Variants in DMD observed in about 807,000 individuals in gnomAD.
DMD encodes dystrophin.
Under a neutral mutation model 330.1 loss-of-function variants are expected in DMD, and 63 were observed. That is an observed-to-expected ratio of 0.19 (90% CI 0.16 to 0.24). The LOEUF is 0.24. DMD is among the 10% of genes least tolerant of loss of function. The pLI is 1.00. For synonymous variants in DMD, 1,223 were observed against 959.8 expected (o/e 1.27, Z -5.07); for missense variants, 3,344 against 2,684.1 (o/e 1.25, Z -5.43).
chrX:31,400,864 A>C (rs1293254635), intron 60 of DMD, among the ~76,000 whole-genome samples: 1 of 111,941 alleles, frequency 8.9e-6, no homozygotes, highest in Non-Finnish European at 1.9e-5. Context: ...AAGATACGAA[A>C]ATTGACAACG....
At chrX:32,813,215 A>G (rs1049519158) in intron 6 of DMD, among the ~76,000 whole-genome samples, 1 of 112,037 alleles carries the variant, frequency 8.9e-6, no homozygotes, top group African/African-American at 3.2e-5. Context: ...ATTCTTTTAT[A>G]CTATTAAAAT....
chrX:31,982,125 T>C lies in DMD; in HGVS notation c.6439-13611A>G, dbSNP rs2095479842. 2.7e-5 allele frequency among the ~76,000 whole-genome samples: 3 copies of C among 112,510 alleles called. No individual in the cohort carries two copies. The South Asian group carries it at 1.1e-3, about 41-fold the overall frequency. On this transcript the variant is annotated intron_variant, in intron 44 of 78. Coordinates refer to ENST00000357033, the MANE Select transcript of DMD (RefSeq NM_004006.3). ...GTGTGCCTGTGTTTGCAGTTGAATC[T>C]CTTTTGCAGTATGAAAATTGAATTT...
chrX:32,540,961 G>T (rs1411455506), intron 17 of DMD, among the ~76,000 whole-genome samples: 1 of 111,517 alleles, frequency 9.0e-6, no homozygotes, highest in Admixed American at 9.6e-5. Flanking sequence ...ATTCATTTTA[G>T]TAAATCAATT....
intron 7 of DMD, among the ~76,000 whole-genome samples, chrX:32,779,545 G>A (rs1025664893): frequency 4.6e-5 from 5 of 109,391 alleles, no homozygotes; most frequent in Admixed American, 2.0e-4. Flanking sequence ...CTGTGTCCAT[G>A]TGTTCTCATT....
intron 1 of DMD, 57 bp downstream of exon 1, chrX:33,211,225 G>A: frequency 1.7e-6 from 2 of 1,174,829 alleles, no homozygotes; most frequent in Non-Finnish European, 2.3e-6. Flanking sequence ...TAGTGAGCTT[G>A]TCACAAACTA....
In DMD at chrX:31,201,230, C is replaced by T. The variant is rs151142499; in HGVS notation, c.9807+2731G>A. 7.6e-3 allele frequency among the ~76,000 whole-genome samples: 837 copies of T among 109,877 alleles called. 13 individuals carry two copies. The highest frequency in any genetic ancestry group is 0.026 in the African/African-American group (782 of 30,129). ...ACACACACATACACCAAAAAAATGC[C>T]AGGCGTGGCGGTCCATGCCTGTAGT... On this transcript the variant is annotated intron_variant, in intron 67 of 78. Transcript: ENST00000357033.
intron 62 of DMD, among the ~76,000 whole-genome samples, chrX:31,306,828 T>C (rs1184212932): frequency 8.9e-6 from 1 of 111,785 alleles, no homozygotes; most frequent in Non-Finnish European, 1.9e-5. Context: ...GAACTAAAAG[T>C]TATTTGGATT....
chrX:31,186,598 A>C (rs1160948488), intron 67 of DMD, among the ~76,000 whole-genome samples: 1 of 111,910 alleles, frequency 8.9e-6, no homozygotes, highest in African/African-American at 3.3e-5. Context: ...ACAAACCCCC[A>C]TGACACAAGT....
At chrX:32,266,376 T>A (rs1364877965) in intron 43 of DMD, among the ~76,000 whole-genome samples, 1 of 112,195 alleles carries the variant, frequency 8.9e-6, no homozygotes, top group East Asian at 2.8e-4. Flanking sequence ...TCTTGGGCAG[T>A]TCTTTAGAGC....
intron 43 of DMD, among the ~76,000 whole-genome samples, chrX:32,232,168 A>T (rs1161852205): frequency 8.9e-6 from 1 of 111,984 alleles, no homozygotes; most frequent in Non-Finnish European, 1.9e-5. Flanking sequence ...TAGTAAAGAA[A>T]ATAAGAACTA....
chrX:31,814,431 C>A (rs1016485924), intron 50 of DMD, among the ~76,000 whole-genome samples: 1 of 83,945 alleles, frequency 1.2e-5, no homozygotes, highest in African/African-American at 4.8e-5. Flanking sequence ...TGCAGTGAGC[C>A]GAGATCGCGC....
chrX:32,400,876 G>C (rs1312659653), intron 30 of DMD, among the ~76,000 whole-genome samples: 2 of 109,152 alleles, frequency 1.8e-5, no homozygotes, highest in Non-Finnish European at 3.8e-5. Flanking sequence ...AAAGACACAT[G>C]CACACGTATG....
At chrX:32,148,506 C>T (rs1475908751) in intron 44 of DMD, among the ~76,000 whole-genome samples, 1 of 110,632 alleles carries the variant, frequency 9.0e-6, no homozygotes, top group Non-Finnish European at 1.9e-5. Flanking sequence ...CTACATATCC[C>T]ATTTCAGGGA....
chrX:33,333,997 C>G (rs747297177), intron 1 of DMD, among the ~76,000 whole-genome samples: 30 of 111,127 alleles, frequency 2.7e-4, no homozygotes, highest in Admixed American at 4.8e-4. Context: ...AAATTCCACT[C>G]ACTTTACCTT....
intron 1 of DMD, among the ~76,000 whole-genome samples, chrX:33,185,911 A>G (rs2050238029): frequency 8.9e-6 from 1 of 112,552 alleles, no homozygotes; most frequent in Admixed American, 9.5e-5. Context: ...GTTAAAAGTT[A>G]AACAGCTGTC....
chrX:33,224,811 G>A (rs1249545614), intron 1 of DMD, among the ~76,000 whole-genome samples: 1 of 111,291 alleles, frequency 9.0e-6, no homozygotes. Context: ...GGCCATGCTC[G>A]TGCGGGCACA....
intron 5 of DMD, among the ~76,000 whole-genome samples, chrX:32,818,152 T>G (rs1170471056): frequency 8.9e-6 from 1 of 112,179 alleles, no homozygotes; most frequent in Non-Finnish European, 1.9e-5. Flanking sequence ...AATCAGCAGA[T>G]AGTGGCTTAA....
chrX:31,522,363 C>CTCTCTCTCTCTATATATATATATA, intron 55 of DMD, among the ~76,000 whole-genome samples: 12 of 35,964 alleles, frequency 3.3e-4, no homozygotes, highest in Admixed American at 8.4e-4. Context: ...CTCTCTCTCT[C>CTCTCTCTCTCTATATATATATATA]TATATATATA....
At chrX:32,865,716 A>G (rs2082426575) in intron 2 of DMD, among the ~76,000 whole-genome samples, 1 of 112,643 alleles carries the variant, frequency 8.9e-6, no homozygotes, top group African/African-American at 3.2e-5. Flanking sequence ...TTTTTAATTC[A>G]TATTTTGACT....
Sources: gnomAD v4.1 joint callset for allele counts (sites outside exome capture counted in the v4.1 genomes callset) on GRCh38, gnomAD v4.1.1 for gene constraint, MANE v1.5 for transcripts, NCBI Gene and HGNC (gene_info 2026-07-23, HGNC 2026-07-21) for gene names.